The following ZAP70 variants were observed in gnomAD, a reference collection of about 807,000 sequenced individuals.
ZAP70 encodes the protein zeta chain of T cell receptor associated protein kinase 70, also known as tyrosine-protein kinase ZAP-70.
Under a neutral mutation model 65.8 loss-of-function variants are expected in ZAP70, and 27 were observed. That is an observed-to-expected ratio of 0.41 (90% CI 0.30 to 0.57). The LOEUF (loss-of-function observed/expected upper bound fraction) is 0.57, where lower values mean the gene tolerates loss of function less well. ZAP70 is among the 20% of genes least tolerant of loss of function. ZAP70 has a pLI of 0.28. For missense variants in ZAP70, 696 were observed against 870.5 expected, an observed-to-expected ratio of 0.80 and a Z score of 2.52; for synonymous variants, 363 against 360.8, an observed-to-expected ratio of 1.01 and a Z score of -0.07.
chr2:97,735,564 C>T, intron 10 of ZAP70, 108 bp downstream of exon 10: 1 of 1,331,754 alleles, frequency 7.5e-7, no homozygotes, highest in Non-Finnish European at 1.0e-6. Context: ...GGGGCACTTC[C>T]ACACCATCGT....
intron 4 of ZAP70, 115 bp downstream of exon 4, chr2:97,725,367 C>T: frequency 7.6e-7 from 1 of 1,308,278 alleles, no homozygotes; most frequent in African/African-American, 1.5e-5. Flanking sequence ...CCTGTGCTCA[C>T]ATGTGCAAGT....
chr2:97,737,277 A>G lies in ZAP70; in HGVS notation c.1290-196A>G, dbSNP rs1335885201. On this transcript the variant is annotated intron_variant, in intron 10 of 13. Coordinates refer to ENST00000264972, the MANE Select transcript of ZAP70 (RefSeq NM_001079.4). This position sits in a 1 kb window ranked among gnomAD's most constrained non-coding sequence, Gnocchi z 5.0. ...GTGATCCCTAAAGCCTTGAGACTGGATGAAGGCAGGAGTTTTGCCTGTTTT... is the reference window on the plus strand; with the variant it reads ...GTGATCCCTAAAGCCTTGAGACTGGGTGAAGGCAGGAGTTTTGCCTGTTTT... Among the ~76,000 whole-genome samples the G allele has an allele frequency of 6.6e-6, 1 of 152,078 alleles. No individual in the cohort carries two copies. Among genetic ancestry groups the G allele is most frequent in the African/African-American group, 2.4e-5 (1 of 41,386 alleles).
chr2:97,735,879 G>C (rs1432332459), intron 10 of ZAP70, among the ~76,000 whole-genome samples: 1 of 152,202 alleles, frequency 6.6e-6, no homozygotes, highest in Non-Finnish European at 1.5e-5. Flanking sequence ...TGGGCGTGGT[G>C]GTGGGCGCCT....
chr2:97,719,524 A>AG (rs1266396598), intron 2 of ZAP70, among the ~76,000 whole-genome samples: 1 of 142,034 alleles, frequency 7.0e-6, no homozygotes. Flanking sequence ...ACAGACTGCC[A>AG]GGGGTGCTAT....
the ZAP70 span, among the ~76,000 whole-genome samples, chr2:97,747,231 C>T: frequency 1.3e-5 from 2 of 152,150 alleles, no homozygotes; most frequent in Admixed American, 6.5e-5. Context: ...GAATGGAAAA[C>T]GTATGTTCAC....
At chr2:97,733,820 C>T in intron 8 of ZAP70, 1 of 612,984 alleles carries the variant, frequency 1.6e-6, no homozygotes, top group Admixed American at 2.8e-5. Context: ...TTGGCCTTGC[C>T]TGAGGCTCCC....
At chr2:97,742,850 C>T (rs1678163777), downstream of ZAP70, among the ~76,000 whole-genome samples, 2 of 152,202 alleles carry the variant, frequency 1.3e-5, no homozygotes, top group Non-Finnish European at 2.9e-5. Flanking sequence ...CCCACTATCC[C>T]AAGGCCAATA....
downstream of ZAP70, among the ~76,000 whole-genome samples, chr2:97,742,243 G>A (rs142008454): frequency 1.2e-3 from 189 of 152,310 alleles, 1 homozygote; most frequent in African/African-American, 4.1e-3. Flanking sequence ...CCAGGTCCAC[G>A]GCTTCCTAGC....
intron 4 of ZAP70, 47 bp downstream of exon 4, chr2:97,725,299 G>A (rs1559321225): frequency 6.2e-7 from 1 of 1,603,254 alleles, no homozygotes; most frequent in East Asian, 2.2e-5. Context: ...GGGGCTCGTT[G>A]GCAGGGATCC....
chr2:97,724,638 C>T (rs1206304935), intron 3 of ZAP70, 200 bp downstream of exon 3: 1 of 1,532,532 alleles, frequency 6.5e-7, no homozygotes, highest in Non-Finnish European at 8.7e-7. Context: ...CGGTCGCCTT[C>T]CGCAGGCTGA....
the ZAP70 span, among the ~76,000 whole-genome samples, chr2:97,754,618 GT>G: frequency 6.6e-6 from 1 of 152,168 alleles, no homozygotes; most frequent in South Asian, 2.1e-4. Flanking sequence ...GGCCAGGGTA[GT>G]CTAGAACACC....
At chr2:97,724,600 G>A (rs1372388128) in intron 3 of ZAP70, 162 bp downstream of exon 3, 8 of 1,533,980 alleles carry the variant, frequency 5.2e-6, no homozygotes, top group African/African-American at 2.7e-5. Context: ...CCTGAAAGGA[G>A]GCCTCAGAGG....
intron 2 of ZAP70, among the ~76,000 whole-genome samples, chr2:97,722,955 A>G (rs568158430): frequency 6.6e-6 from 1 of 152,328 alleles, no homozygotes; most frequent in East Asian, 1.9e-4. Flanking sequence ...GAGGGCAAAT[A>G]CAATGGAATG....
chr2:97,740,280 C>T (rs1001378918), downstream of ZAP70, among the ~76,000 whole-genome samples: 1 of 152,132 alleles, frequency 6.6e-6, no homozygotes, highest in African/African-American at 2.4e-5. Flanking sequence ...TATTAGCTCC[C>T]GTATGAACCG....
intron 4 of ZAP70, among the ~76,000 whole-genome samples, chr2:97,729,625 T>G (rs1677522977): frequency 6.6e-6 from 1 of 152,222 alleles, no homozygotes; most frequent in Non-Finnish European, 1.5e-5. Context: ...TTCTATGTAT[T>G]ATTTTAAGAG....
rs1019129583 is a variant in ZAP70 at position 97,736,129 on chromosome 2, A to G, written c.1289+673A>G. ...CCTGGGAAAGTGCCCATTGCCAGTT[A>G]TCTGGAACCTGCCCTTTGTTTACGT... On this transcript the variant is annotated intron_variant, in intron 10 of 13. Transcript: ENST00000264972. This position sits in a 1 kb window ranked among gnomAD's most constrained non-coding sequence, Gnocchi z 4.0. 1.3e-5 allele frequency among the ~76,000 whole-genome samples: 2 copies of G among 152,096 alleles called. No homozygotes were observed. Among genetic ancestry groups the G allele is most frequent in the Non-Finnish European group, 2.9e-5 (2 of 68,018 alleles).
In ZAP70 at chr2:97,725,157, G is replaced by T; in HGVS notation, c.468G>T (p.Thr156=). 3 of 1,614,136 alleles carry T rather than the reference G, an allele frequency of 1.9e-6. No individual in the cohort carries two copies. The highest frequency in any genetic ancestry group is 2.5e-6 in the Non-Finnish European group (3 of 1,180,028). The change falls in exon 4 of 14, where the codon ACG becomes ACT. Residue 156 remains threonine (T), a synonymous_variant. Coordinates refer to ENST00000264972, the MANE Select transcript of ZAP70 (RefSeq NM_001079.4). ...AGGTGGAGAAGCTCATTGCTACGACGGCCCACGAGCGGATGCCCTGGTACC... is the reference window on the plus strand; with the variant it reads ...AGGTGGAGAAGCTCATTGCTACGACTGCCCACGAGCGGATGCCCTGGTACC... ...APQVEKLIAT[T]AHERMPWYHS...
intron 4 of ZAP70, among the ~76,000 whole-genome samples, chr2:97,730,839 A>T (rs1027364098): frequency 6.6e-6 from 1 of 152,140 alleles, no homozygotes; most frequent in African/African-American, 2.4e-5. Context: ...GTGGATCACG[A>T]GGTCAGAAGA....
intron 4 of ZAP70, 66 bp downstream of exon 4, chr2:97,725,318 G>T: frequency 6.3e-7 from 1 of 1,590,280 alleles, no homozygotes. Context: ...CCTGGGGACT[G>T]GGGCAGACGT....
Sources: gnomAD v4.1 joint callset for allele counts (sites outside exome capture counted in the v4.1 genomes callset) on GRCh38, gnomAD v4.1.1 for gene constraint, Gnocchi (gnomAD v3.1) non-coding constraint, MANE v1.5 for transcripts, NCBI Gene and HGNC (gene_info 2026-07-23, HGNC 2026-07-21) for gene names.